The following SRRD variants were observed in gnomAD, a reference collection of about 807,000 sequenced individuals.
SRRD encodes the protein SRR1 domain containing, also known as SRR1-like protein.
A neutral mutation model predicts 30.7 loss-of-function variants in SRRD; 28 were observed. The ratio of observed to expected loss-of-function variants is 0.91; its 90% CI spans 0.68 to 1.25. The LOEUF (loss-of-function observed/expected upper bound fraction) is 1.25, where lower values mean the gene tolerates loss of function less well. SRRD is among the 50% of genes most tolerant of loss of function. The probability of loss-of-function intolerance (pLI) is 0.00; values close to 1 mark genes in which losing one functional copy is unlikely to be tolerated. For synonymous variants in SRRD, 161 were observed against 159.6 expected (o/e 1.01, Z -0.07); for missense variants, 415 against 417.3 (o/e 0.99, Z 0.05).
At position 26,488,076 on chromosome 22, in the gene SRRD, C is replaced by T. The variant is rs186451510; in HGVS notation, c.298C>T (p.Pro100Ser). The T allele has an allele frequency of 2.1e-4, 346 of 1,614,108 alleles. No homozygotes were observed. The highest frequency in any genetic ancestry group is 2.8e-4 in the Non-Finnish European group (327 of 1,179,992). Residue 100 changes from proline (P) to serine (S), a missense_variant, in exon 3 of 7, where the codon CCT becomes TCT. By Grantham distance (74) the Pro-to-Ser change is moderately conservative. Transcript: ENST00000215917. The stretch of plus-strand genomic sequence containing the variant: ...AAAACATCTGGAACAACTGAAGGCC[C>T]CTGTGGGGACTCTTTCAGACATCTT... Reference protein sequence around the residue: ...LTKHLEQLKAPVGTLSDIFGN... With the variant: ...LTKHLEQLKASVGTLSDIFGN...
At chr22:26,490,287 G>A (rs1019899272) in intron 5 of SRRD, 89 bp downstream of exon 5, 5 of 1,418,212 alleles carry the variant, frequency 3.5e-6, no homozygotes, top group Non-Finnish European at 4.9e-6. Flanking sequence ...TTTCCTTGAC[G>A]ATTCCATACT....
rs368811657 is a variant in SRRD at position 26,489,414 on chromosome 22, G to A, written c.610-630G>A. ...TCCTGGGTCTGAGCTGGGCTTTGAA[G>A]GTCTACCAGGAGTTTGCTAGTGGGA... On this transcript the variant is annotated intron_variant, in intron 4 of 6. Coordinates refer to ENST00000215917, the MANE Select transcript of SRRD (RefSeq NM_001013694.3). Among the ~76,000 whole-genome samples the A allele has an allele frequency of 9.2e-5, 14 of 152,214 alleles. No individual in the cohort carries two copies. The East Asian group carries it at 2.3e-3, about 25-fold the overall frequency.
Position 26,491,848 on chromosome 22 carries a change from A to T in SRRD, c.*176A>T. Reference sequence around the variant, plus strand: ...GACTTGGTATAAAGATTCCTGCCCTACGTGGCATTGTCCCATTTTACATCC... The same window carrying T: ...GACTTGGTATAAAGATTCCTGCCCTTCGTGGCATTGTCCCATTTTACATCC... On this transcript the variant is annotated 3_prime_UTR_variant, in exon 7 of 7. Coordinates refer to ENST00000215917, the MANE Select transcript of SRRD (RefSeq NM_001013694.3). The T allele has an allele frequency of 1.1e-6, 1 of 926,602 alleles. No individual in the cohort carries two copies. Among genetic ancestry groups the T allele is most frequent in the Non-Finnish European group, 1.6e-6 (1 of 628,964 alleles). 57.4% of individuals were successfully genotyped at this position (926,602 alleles called of 1,614,324 possible).
rs780575910 is a variant in SRRD at position 26,490,034 on chromosome 22, G to GT, written c.610-9dup. ...GGGCATGTTTACACCTGTGAATATCGTATCCCCAGGAAGGGAAACGGAGTA... is the reference window on the plus strand; with the variant it reads ...GGGCATGTTTACACCTGTGAATATCGTTATCCCCAGGAAGGGAAACGGAGTA... On this transcript the variant is annotated splice_polypyrimidine_tract_variant and intron_variant, in intron 4 of 6. Coordinates refer to ENST00000215917, the MANE Select transcript of SRRD (RefSeq NM_001013694.3). 7.4e-6 allele frequency: 12 copies of GT among 1,613,480 alleles called. No individual in the cohort carries two copies. Among genetic ancestry groups the GT allele is most frequent in the South Asian group, 4.4e-5 (4 of 91,042 alleles).
rs1921212787 is a variant in SRRD, at chr22:26,491,731, G to A, written c.*59G>A. The A allele has an allele frequency of 2.7e-6, 4 of 1,485,316 alleles. No homozygotes were observed. The African/African-American group carries it at 5.6e-5, about 21-fold the overall frequency. 92.0% of individuals were successfully genotyped at this position (1,485,316 alleles called of 1,614,324 possible). On this transcript the variant is annotated 3_prime_UTR_variant, in exon 7 of 7. Coordinates refer to ENST00000215917, the MANE Select transcript of SRRD (RefSeq NM_001013694.3). ...AGAAGCTGCCACCAGAGACTAAAGG[G>A]AAGGCTGCTATGGAGGAACTACAGA...
chr22:26,490,559 C>CTTTTTTTTGTTTTTTTTTTTTTTT (rs1921028050), intron 5 of SRRD, among the ~76,000 whole-genome samples: 2 of 51,832 alleles, frequency 3.9e-5, no homozygotes, highest in Non-Finnish European at 6.8e-5. Flanking sequence ...GGAATATTTG[C>CTTTTTTTTGTTTTTTTTTTTTTTT]TTTTTTTTTT....
In SRRD at chr22:26,492,926, G is replaced by C. The variant is rs1051194871; in HGVS notation, c.*1254G>C. The C allele has an allele frequency of 6.5e-6, 1 of 153,444 alleles. No homozygotes were observed. Among genetic ancestry groups the C allele is most frequent in the African/African-American group, 2.4e-5 (1 of 41,436 alleles). 9.5% of individuals were successfully genotyped at this position (153,444 alleles called of 1,614,324 possible). On this transcript the variant is annotated 3_prime_UTR_variant, in exon 7 of 7. Coordinates refer to ENST00000215917, the MANE Select transcript of SRRD (RefSeq NM_001013694.3). ...ACAGTTTTGGAAACATGAGGCCAAG[G>C]GTAGCTAAGGAAGAGTTTTTAGAAA...
intron 5 of SRRD, 121 bp downstream of exon 5, chr22:26,490,319 G>T: frequency 8.7e-7 from 1 of 1,150,664 alleles, no homozygotes; most frequent in Non-Finnish European, 1.2e-6. Flanking sequence ...TTTCCACAGG[G>T]AACTGGATGA....
chr22:26,494,034 G>C lies in SRRD; in HGVS notation c.*2362G>C. On this transcript the variant is annotated 3_prime_UTR_variant, in exon 7 of 7. Transcript: ENST00000215917. The stretch of plus-strand genomic sequence containing the variant: ...GCTATGTGCAAAAGTGTGACCTAAG[G>C]TTTAGGCTGCCTACAGGAACCAGAA... 7.4e-7 allele frequency: 1 copy of C among 1,359,334 alleles called. No individual in the cohort carries two copies. The highest frequency in any genetic ancestry group is 1.0e-6 in the Non-Finnish European group (1 of 984,336). The allele number at this position is 1,359,334 out of a possible 1,614,324, so 84.2% of individuals were successfully genotyped here. A position where few individuals can be genotyped will look rare whatever the true frequency, so the allele number is the denominator to read the frequency against.
intron 2 of SRRD, among the ~76,000 whole-genome samples, chr22:26,486,396 G>T (rs1257655993): frequency 6.6e-6 from 1 of 152,034 alleles, no homozygotes; most frequent in African/African-American, 2.4e-5. Context: ...CCTTTTCCTC[G>T]TGCAGTGATA....
At chr22:26,484,851 T>C (rs1407825051) in intron 1 of SRRD, among the ~76,000 whole-genome samples, 3 of 152,266 alleles carry the variant, frequency 2.0e-5, no homozygotes, top group African/African-American at 7.2e-5. Context: ...TTATTATCTT[T>C]ATTCGCAGTT....
At chr22:26,491,103 A>G in intron 6 of SRRD, 33 bp downstream of exon 6, 1 of 1,595,540 alleles carries the variant, frequency 6.3e-7, no homozygotes. Context: ...TGGGATGGAA[A>G]AGGGTGTGAA....
Position 26,491,965 on chromosome 22 carries a change from C to T in SRRD, c.*293C>T, listed in dbSNP as rs764675405. ...CTAAAAATACTGTTTATTTACAGTA[C>T]ATCCCTCTTAGGGGCAAGTCTCTGA... is the stretch of plus-strand genomic sequence containing the variant. On this transcript the variant is annotated 3_prime_UTR_variant, in exon 7 of 7. Transcript: ENST00000215917. 30 of 1,504,580 alleles carry T rather than the reference C, an allele frequency of 2.0e-5. 1 individual carries two copies. In the South Asian group the frequency reaches 3.7e-4, roughly 18 times the overall value. 93.2% of individuals were successfully genotyped at this position (1,504,580 alleles called of 1,614,324 possible).
At chr22:26,490,873 G>A in intron 5 of SRRD, 152 bp from the exon 6 acceptor site, 2 of 678,988 alleles carry the variant, frequency 2.9e-6, no homozygotes, top group Non-Finnish European at 5.0e-6. Context: ...CTATTTAACT[G>A]GTTTACTCCA....
At chr22:26,486,470 T>C (rs1435533617) in intron 2 of SRRD, among the ~76,000 whole-genome samples, 1 of 152,208 alleles carries the variant, frequency 6.6e-6, no homozygotes, top group African/African-American at 2.4e-5. Context: ...GGACATACCA[T>C]AGGTATCATT....
intron 6 of SRRD, 150 bp downstream of exon 6, chr22:26,491,220 A>G (rs1332424673): frequency 1.2e-5 from 10 of 844,048 alleles, no homozygotes; most frequent in Non-Finnish European, 3.7e-6. Context: ...CCAGAAAGCT[A>G]TGACTCTTTA....
chr22:26,489,487 C>T (rs993667968), intron 4 of SRRD, among the ~76,000 whole-genome samples: 8 of 151,956 alleles, frequency 5.3e-5, no homozygotes, highest in African/African-American at 1.5e-4. Flanking sequence ...GTTCAGGAAA[C>T]CACTGCCAGT....
At chr22:26,489,141 T>C (rs548686705) in intron 4 of SRRD, among the ~76,000 whole-genome samples, 5 of 152,294 alleles carry the variant, frequency 3.3e-5, no homozygotes, top group Admixed American at 2.6e-4. Flanking sequence ...TTATTATGTA[T>C]GAAAATTTGG....
chr22:26,493,910 C>CA lies in SRRD; in HGVS notation c.*2239dup, dbSNP rs1261511222. 1 of 512,086 alleles carries CA rather than the reference C, an allele frequency of 2.0e-6. No homozygotes were observed. The highest frequency in any genetic ancestry group is 1.9e-5 in the African/African-American group (1 of 51,766). 31.7% of individuals were successfully genotyped at this position (512,086 alleles called of 1,614,324 possible). On this transcript the variant is annotated 3_prime_UTR_variant, in exon 7 of 7. Coordinates refer to ENST00000215917, the MANE Select transcript of SRRD (RefSeq NM_001013694.3). ...GACATCATCTGAATCCAGCTTAAGT[C>CA]AGTCTCCACTCAGGGAAGATGCCCC...
Sources: gnomAD v4.1 joint callset for allele counts (sites outside exome capture counted in the v4.1 genomes callset) on GRCh38, gnomAD v4.1.1 for gene constraint, MANE v1.5 for transcripts, NCBI Gene and HGNC (gene_info 2026-07-23, HGNC 2026-07-21) for gene names.